MAMSTR: variants seen among roughly 807,000 people sequenced by gnomAD.
MAMSTR encodes MEF2 activating motif and SAP domain containing transcriptional regulator, also known as MEF2-activating motif and SAP domain-containing transcriptional regulator.
A neutral mutation model predicts 42.7 loss-of-function variants in MAMSTR; 41 were observed. The ratio of observed to expected loss-of-function variants is 0.96; its 90% CI spans 0.75 to 1.25. MAMSTR has a LOEUF of 1.25. Among genes scored for constraint, MAMSTR ranks in the 50% most tolerant of loss-of-function variants. MAMSTR has a pLI of 0.00. For synonymous variants in MAMSTR, 265 were observed against 244.1 expected (o/e 1.09, Z -0.80); for missense variants, 567 against 557.6 (o/e 1.02, Z -0.17).
rs574539266 is a variant in MAMSTR, at chr19:48,717,948, G to GC, written c.58+1025dup. ...TCGAACTCCTGAGCTCAGGCAATCC[G>GC]CCCGCCTTGGCCTCCCAAAGTGCTA... is the stretch of plus-strand genomic sequence containing the variant. On this transcript the variant is annotated intron_variant, in intron 2 of 9. Transcript: ENST00000318083. Among the ~76,000 whole-genome samples, 1,318 of 152,116 alleles carry GC rather than the reference G, an allele frequency of 8.7e-3. 12 individuals are homozygous for GC. The highest frequency in any genetic ancestry group is 0.013 in the South Asian group (62 of 4,826).
downstream of MAMSTR, among the ~76,000 whole-genome samples, chr19:48,707,816 G>GAAAA (rs2032665208): frequency 8.2e-6 from 1 of 121,944 alleles, no homozygotes; most frequent in Non-Finnish European, 1.7e-5. Context: ...AGGAAAGAAA[G>GAAAA]AAAGAAAGAC....
intron 2 of MAMSTR, 183 bp from the exon 3 acceptor site, chr19:48,716,926 T>C: frequency 8.3e-7 from 1 of 1,202,238 alleles, no homozygotes; most frequent in Non-Finnish European, 1.0e-6. Flanking sequence ...GCCTGCTCCC[T>C]GCCAGCGCAG....
intron 2 of MAMSTR, among the ~76,000 whole-genome samples, chr19:48,718,665 C>T (rs964150976): frequency 6.6e-6 from 1 of 152,096 alleles, no homozygotes; most frequent in Non-Finnish European, 1.5e-5. Flanking sequence ...CCTCTGAGGT[C>T]CCTCCTCTGC....
In MAMSTR at chr19:48,713,195, G is replaced by T; in HGVS notation, c.*72C>A. ...TGCGGTAGGAGGGGCTCTGCTGGTA[G>T]TTCCCTCTCCTCCCACAAGGAGCTT... On this transcript the variant is annotated 3_prime_UTR_variant, in exon 10 of 10. Coordinates refer to ENST00000318083, the MANE Select transcript of MAMSTR (RefSeq NM_001130915.2). 2 of 1,417,236 alleles carry T rather than the reference G, an allele frequency of 1.4e-6. No homozygotes were observed. The highest frequency in any genetic ancestry group is 2.4e-5 in the East Asian group (1 of 41,532). 87.8% of individuals were successfully genotyped at this position (1,417,236 alleles called of 1,614,324 possible). A position where few individuals can be genotyped will look rare whatever the true frequency, so the allele number is the denominator to read the frequency against.
At chr19:48,708,080 C>G (rs1373218278), downstream of MAMSTR, among the ~76,000 whole-genome samples, 2 of 151,568 alleles carry the variant, frequency 1.3e-5, no homozygotes, top group African/African-American at 2.4e-5. Flanking sequence ...ACTAAAAATA[C>G]AAAATTAGCC....
In MAMSTR at chr19:48,713,347, G is replaced by A. The variant is rs760913677; in HGVS notation, c.1168C>T (p.Pro390Ser). The A allele has an allele frequency of 6.2e-7, 1 of 1,608,084 alleles. No homozygotes were observed. Among genetic ancestry groups the A allele is most frequent in the Non-Finnish European group, 8.5e-7 (1 of 1,178,400 alleles). Residue 390 changes from proline (P) to serine (S), a missense_variant, in exon 10 of 10, where the codon CCA (proline) becomes TCA (serine). Pro to Ser is a moderately conservative substitution (Grantham distance 74). Coordinates refer to ENST00000318083, the MANE Select transcript of MAMSTR (RefSeq NM_001130915.2). The part of the protein sequence containing the change: ...SGGPPLGSGP[P>S]PPSIFSADLS... ...TCAGCGGAGAAGATGCTGGGGGGTG[G>A]GGGACCAGAACCCAGAGGAGGACCC...
At chr19:48,706,596 C>T in the MAMSTR span, among the ~76,000 whole-genome samples, 1 of 151,976 alleles carries the variant, frequency 6.6e-6, no homozygotes, top group East Asian at 1.9e-4. Flanking sequence ...GAGATCACAC[C>T]ATTGCACTGC....
At chr19:48,712,411 CTT>C (rs199761585), downstream of MAMSTR, among the ~76,000 whole-genome samples, 28 of 151,110 alleles carry the variant, frequency 1.9e-4, no homozygotes, top group African/African-American at 6.6e-4. Flanking sequence ...ACATTTCTTT[CTT>C]TTTCTCTCTC....
Position 48,716,691 on chromosome 19 carries a change from G to A in MAMSTR, c.97+14C>T, listed in dbSNP as rs1689032231. On this transcript the variant is annotated intron_variant, in intron 3 of 9. Transcript: ENST00000318083. The stretch of plus-strand genomic sequence containing the variant: ...GGGGGTCACCATCCCCTCCCTTTTG[G>A]GGCCCATACTTACTCTGCTCCTGAT... The A allele has an allele frequency of 1.5e-6, 2 of 1,330,426 alleles. No homozygotes were observed. The highest frequency in any genetic ancestry group is 1.5e-5 in the African/African-American group (1 of 65,264). The allele number at this position is 1,330,426 out of a possible 1,614,324, so 82.4% of individuals were successfully genotyped here. A position where few individuals can be genotyped will look rare whatever the true frequency, so the allele number is the denominator to read the frequency against.
chr19:48,716,552 C>T (rs2033043988), intron 3 of MAMSTR, among the ~76,000 whole-genome samples, 153 bp downstream of exon 3: 1 of 152,014 alleles, frequency 6.6e-6, no homozygotes, highest in Non-Finnish European at 1.5e-5. Flanking sequence ...GACCCTGGAT[C>T]CTTGGGAAAG....
chr19:48,718,377 CTT>C (rs2033125177), intron 2 of MAMSTR, among the ~76,000 whole-genome samples: 1 of 143,674 alleles, frequency 7.0e-6, no homozygotes, highest in South Asian at 2.2e-4. Context: ...CACTTGCACA[CTT>C]CTTTTTTTTT....
chr19:48,713,589 G>A, intron 9 of MAMSTR, 39 bp from the exon 10 acceptor site: 1 of 1,601,228 alleles, frequency 6.2e-7, no homozygotes, highest in Non-Finnish European at 8.5e-7. Flanking sequence ...TGGAAAGTCA[G>A]GGGTCCGGGC....
Position 48,716,702 on chromosome 19 carries a change from T to TA in MAMSTR, c.97+2dup, listed in dbSNP as rs2033051012. On this transcript the variant is annotated splice_region_variant and intron_variant, in intron 3 of 9. Coordinates refer to ENST00000318083, the MANE Select transcript of MAMSTR (RefSeq NM_001130915.2). The stretch of plus-strand genomic sequence containing the variant: ...TCCCCTCCCTTTTGGGGCCCATACT[T>TA]ACTCTGCTCCTGATTCCGTCTGTGG... The TA allele has an allele frequency of 1.5e-6, 2 of 1,336,884 alleles. No homozygotes were observed. The highest frequency in any genetic ancestry group is 2.1e-5 in the South Asian group (1 of 47,556). 82.8% of individuals were successfully genotyped at this position (1,336,884 alleles called of 1,614,324 possible).
At chr19:48,713,814 G>A in intron 8 of MAMSTR, 44 bp from the exon 9 acceptor site, 1 of 1,614,204 alleles carries the variant, frequency 6.2e-7, no homozygotes, top group Non-Finnish European at 8.5e-7. Context: ...CTGCGACCTG[G>A]ACCTGACTGG....
chr19:48,707,859 GAAAGAAAGAAAGAA>G (rs1568464002), downstream of MAMSTR, among the ~76,000 whole-genome samples: 1 of 99,242 alleles, frequency 1.0e-5, no homozygotes, highest in Non-Finnish European at 2.1e-5. Context: ...AAGAAAGAAA[GAAAGAAAGAAAGAA>G]AGAAAGAAAG....
chr19:48,711,704 C>T (rs913369252), downstream of MAMSTR, among the ~76,000 whole-genome samples: 2 of 141,546 alleles, frequency 1.4e-5, no homozygotes, highest in African/African-American at 2.6e-5. Context: ...TCTCACGTAG[C>T]TGGGATTACA....
At chr19:48,705,999 A>G in the MAMSTR span, 420 of 153,818 alleles carry the variant, frequency 2.7e-3, no homozygotes, top group Non-Finnish European at 4.9e-3. Context: ...ATGAACTCCA[A>G]AATACATCTT....
In MAMSTR at chr19:48,718,363, G is replaced by A. The variant is rs181125413; in HGVS notation, c.58+611C>T. On this transcript the variant is annotated intron_variant, in intron 2 of 9. Transcript: ENST00000318083. ...CTTCTCAGGAACTGATCTGTAGTTC[G>A]AAACACTTGCACACTTCTTTTTTTT... Among the ~76,000 whole-genome samples, 8 of 148,128 alleles carry A rather than the reference G, an allele frequency of 5.4e-5. No homozygotes were observed. The East Asian group carries it at 5.9e-4, about 11-fold the overall frequency.
chr19:48,718,525 T>A (rs2033135443), intron 2 of MAMSTR, among the ~76,000 whole-genome samples: 1 of 151,692 alleles, frequency 6.6e-6, no homozygotes, highest in African/African-American at 2.4e-5. Flanking sequence ...GTAGCTGGGA[T>A]TACAGGCATG....
Sources: allele counts gnomAD v4.1 joint callset (sites outside exome capture counted in the v4.1 genomes callset), GRCh38; gene constraint gnomAD v4.1.1; transcripts MANE v1.5; gene names NCBI Gene and HGNC (gene_info 2026-07-23, HGNC 2026-07-21).